SHROOM3: variants seen among roughly 807,000 people sequenced by gnomAD.
SHROOM3 encodes the protein protein Shroom3.
In SHROOM3, 47 loss-of-function variants were observed where a neutral mutation model predicts 138.6. The observed-to-expected ratio is 0.34, with a 90% confidence interval of 0.27 to 0.43. The LOEUF (loss-of-function observed/expected upper bound fraction) is 0.43. Among genes scored for constraint, SHROOM3 ranks in the 20% least tolerant of loss-of-function variants. The pLI, the probability that SHROOM3 is intolerant of heterozygous loss-of-function variation, is 1.00. For missense variants in SHROOM3, 2,491 were observed against 2,596.5 expected (o/e 0.96, Z 0.88); for synonymous variants, 1,062 against 1,063.3 (o/e 1.00, Z 0.02).
chr4:76,700,041 C>T (rs80032123), intron 2 of SHROOM3, among the ~76,000 whole-genome samples: 72 of 152,254 alleles, frequency 4.7e-4, no homozygotes, highest in East Asian at 2.1e-3. Flanking sequence ...AAGCTGGCCT[C>T]GTGTCCACTC....
chr4:76,592,889 C>A (rs1276877810), intron 2 of SHROOM3, among the ~76,000 whole-genome samples: 4 of 152,162 alleles, frequency 2.6e-5, no homozygotes, highest in Non-Finnish European at 5.9e-5. Context: ...TGCTTTTCTT[C>A]TCCCCACAGT....
intron 1 of SHROOM3, among the ~76,000 whole-genome samples, chr4:76,539,723 G>A (rs1733059624): frequency 6.6e-6 from 1 of 152,146 alleles, no homozygotes; most frequent in African/African-American, 2.4e-5. Flanking sequence ...TAAGCATGGG[G>A]GCCAGATTTG....
chr4:76,677,718 C>T lies in SHROOM3; in HGVS notation c.324-32438C>T, dbSNP rs74809748. Among the ~76,000 whole-genome samples, 573 of 152,288 alleles carry T rather than the reference C, an allele frequency of 3.8e-3. 4 individuals carry two copies. The highest frequency in any genetic ancestry group is 0.013 in the African/African-American group (527 of 41,562). ...CAATACAAGCACATGTTGGACACCG[C>T]CCAAATGTGCCCACTATAAGAATTT... On this transcript the variant is annotated intron_variant, in intron 2 of 10. Coordinates refer to ENST00000296043, the MANE Select transcript of SHROOM3 (RefSeq NM_020859.4).
At chr4:76,508,541 G>C (rs1447135680) in intron 1 of SHROOM3, among the ~76,000 whole-genome samples, 1 of 152,222 alleles carries the variant, frequency 6.6e-6, no homozygotes, top group Non-Finnish European at 1.5e-5. Context: ...TGGGTCCCTT[G>C]AGTTTCCATA....
At chr4:76,518,485 T>TGCCC (rs1317540928) in intron 1 of SHROOM3, among the ~76,000 whole-genome samples, 4 of 136,234 alleles carry the variant, frequency 2.9e-5, no homozygotes, top group African/African-American at 1.1e-4. Flanking sequence ...TTTGCCTGTC[T>TGCCC]GCCTGCCTGC....
chr4:76,497,729 G>A (rs1731998935), intron 1 of SHROOM3, among the ~76,000 whole-genome samples: 1 of 152,104 alleles, frequency 6.6e-6, no homozygotes, highest in Non-Finnish European at 1.5e-5. Flanking sequence ...GTGGTGGCAG[G>A]CACCTGTAAT....
At chr4:76,611,637 TGATAAGAACTTCTTAAGGTCACAGTGTC>T (rs1734763894) in intron 2 of SHROOM3, among the ~76,000 whole-genome samples, 1 of 152,160 alleles carries the variant, frequency 6.6e-6, no homozygotes, top group African/African-American at 2.4e-5. Context: ...TGCCCTCCAT[TGATAAGAACTTCTTAAGGTCACAGTGTC>T]CTTGGGTAAT....
intron 1 of SHROOM3, among the ~76,000 whole-genome samples, chr4:76,512,844 G>A (rs1443453488): frequency 6.6e-6 from 1 of 152,202 alleles, no homozygotes; most frequent in Non-Finnish European, 1.5e-5. Flanking sequence ...GAGCTTTAAG[G>A]AGGAACTAGG....
chr4:76,757,735 A>T (rs1250270118), intron 8 of SHROOM3, among the ~76,000 whole-genome samples: 1 of 152,162 alleles, frequency 6.6e-6, no homozygotes, highest in Non-Finnish European at 1.5e-5. Flanking sequence ...CACGTGTCCC[A>T]GTGTGCAGTC....
In SHROOM3 at chr4:76,739,239, G is replaced by C. The variant is rs753205250; in HGVS notation, c.1066G>C (p.Val356Leu). 7.4e-6 allele frequency: 12 copies of C among 1,614,028 alleles called. No individual in the cohort carries two copies. Among genetic ancestry groups the C allele is most frequent in the Middle Eastern group, 1.6e-4 (1 of 6,084 alleles). The change falls in exon 5 of 11, where the codon GTG (valine) becomes CTG (leucine). Residue 356 changes from valine to leucine, a missense_variant. Around this residue, in one of 4 missense-constraint regions of SHROOM3, gnomAD observed 1,733 missense variants for 1,661.6 expected, o/e 1.04. Transcript: ENST00000296043. ...GTCTAATATTCCTCGGGGCAAGGGA[G>C]TGCCACCCCCATCCTGGAGCCAGCA... The part of the protein sequence containing the change: ...KWSNIPRGKG[V>L]PPPSWSQQCP...
At chr4:76,505,552 T>TG (rs1400191717) in intron 1 of SHROOM3, among the ~76,000 whole-genome samples, 1 of 151,716 alleles carries the variant, frequency 6.6e-6, no homozygotes, top group Non-Finnish European at 1.5e-5. Flanking sequence ...TGAAAATATT[T>TG]GGGAAAAAAA....
chr4:76,585,463 C>T (rs1734133355), intron 2 of SHROOM3, among the ~76,000 whole-genome samples: 1 of 152,106 alleles, frequency 6.6e-6, no homozygotes, highest in South Asian at 2.1e-4. Flanking sequence ...AAGCTGACCC[C>T]TACAGTCTGG....
At chr4:76,584,132 C>T (rs557509181) in intron 2 of SHROOM3, among the ~76,000 whole-genome samples, 68 of 151,982 alleles carry the variant, frequency 4.5e-4, no homozygotes, top group African/African-American at 1.5e-3. Context: ...CTGGCCAACA[C>T]GGTGAAACCC....
chr4:76,741,360 C>T lies in SHROOM3; in HGVS notation c.3187C>T (p.Arg1063Cys), dbSNP rs1053438481. The change falls in exon 5 of 11, where the codon CGC becomes TGC. Residue 1063 changes from arginine (R) to cysteine (C), a missense_variant. Around this residue, in one of 4 missense-constraint regions of SHROOM3, gnomAD observed 1,733 missense variants for 1,661.6 expected, o/e 1.04. Coordinates refer to ENST00000296043, the MANE Select transcript of SHROOM3 (RefSeq NM_020859.4). The surrounding 1 kb of genome is among the most constrained non-coding windows in gnomAD (Gnocchi z 6.2). The stretch of plus-strand genomic sequence containing the variant: ...GGCCGACCGGCGCCGTCTCTTCGAG[C>T]GCGATGGCAAGGCCTGCTCCACGCT... ...SVADRRRLFE[R>C]DGKACSTLSL... 4 of 1,607,764 alleles carry T rather than the reference C, an allele frequency of 2.5e-6. No individual in the cohort carries two copies. Among genetic ancestry groups the T allele is most frequent in the Non-Finnish European group, 2.5e-6 (3 of 1,177,902 alleles).
chr4:76,550,949 A>C (rs1314531587), intron 1 of SHROOM3, among the ~76,000 whole-genome samples: 1 of 147,394 alleles, frequency 6.8e-6, no homozygotes, highest in African/African-American at 2.5e-5. Context: ...CAGTGAGTTG[A>C]GATCACACCA....
intron 2 of SHROOM3, among the ~76,000 whole-genome samples, chr4:76,614,696 A>G (rs1315103973): frequency 6.6e-6 from 1 of 152,118 alleles, no homozygotes; most frequent in African/African-American, 2.4e-5. Context: ...GGTTCTTATG[A>G]TGAAGGAATG....
At chr4:76,536,641 A>C (rs766411876) in intron 1 of SHROOM3, among the ~76,000 whole-genome samples, 5 of 152,248 alleles carry the variant, frequency 3.3e-5, no homozygotes, top group African/African-American at 4.8e-5. Context: ...CCCAAAGGTT[A>C]TAAGAATTAA....
chr4:76,566,210 AAC>A (rs1242065636), intron 2 of SHROOM3, among the ~76,000 whole-genome samples: 1 of 152,148 alleles, frequency 6.6e-6, no homozygotes, highest in Non-Finnish European at 1.5e-5. Flanking sequence ...TAAACAATAC[AAC>A]AGTGATTCAC....
intron 8 of SHROOM3, chr4:76,757,204 AT>A: frequency 2.3e-6 from 1 of 435,612 alleles, no homozygotes; most frequent in Non-Finnish European, 4.2e-6. Flanking sequence ...GTATTAATTT[AT>A]TTATATCAAC....
Sources: allele counts gnomAD v4.1 joint callset (sites outside exome capture counted in the v4.1 genomes callset), GRCh38; gene constraint gnomAD v4.1.1; regional missense constraint gnomAD v4.1.1; non-coding constraint Gnocchi (gnomAD v3.1); transcripts MANE v1.5; gene names NCBI Gene and HGNC (gene_info 2026-07-23, HGNC 2026-07-21).